Variants in IL1RAPL2 observed in about 807,000 individuals in gnomAD.
The protein encoded by IL1RAPL2 is interleukin 1 receptor accessory protein like 2.
Under a neutral mutation model 44.1 loss-of-function variants are expected in IL1RAPL2, and 3 were observed. The ratio of observed to expected loss-of-function variants is 0.07; its 90% CI spans 0.03 to 0.18. The LOEUF (loss-of-function observed/expected upper bound fraction) is 0.18, where lower values mean the gene tolerates loss of function less well. IL1RAPL2 is among the 10% of genes least tolerant of loss of function. IL1RAPL2 has a pLI of 1.00. For missense variants in IL1RAPL2, 391 were observed against 496.4 expected (o/e 0.79, Z 2.02); for synonymous variants, 181 against 178.8 (o/e 1.01, Z -0.10).
At chrX:105,591,084 TTTGAAAC>T (rs1235877982) in intron 6 of IL1RAPL2, among the ~76,000 whole-genome samples, 11 of 110,586 alleles carry the variant, frequency 9.9e-5, no homozygotes, top group African/African-American at 3.6e-4. Context: ...CTGATTCAAT[TTTGAAAC>T]TTGTTACTGA....
chrX:105,083,839 G>A (rs932144349), intron 2 of IL1RAPL2, among the ~76,000 whole-genome samples: 7 of 111,872 alleles, frequency 6.3e-5, no homozygotes, highest in South Asian at 3.7e-4. Flanking sequence ...AAAGAAGACC[G>A]GTACCAGCCA....
At chrX:105,471,199 T>C (rs1382092964) in intron 5 of IL1RAPL2, among the ~76,000 whole-genome samples, 1 of 111,594 alleles carries the variant, frequency 9.0e-6, no homozygotes, top group African/African-American at 3.3e-5. Context: ...TCCTAAAAAA[T>C]GGGTACTATT....
In IL1RAPL2 at chrX:105,447,108, A is replaced by ATATATAT. The variant is rs2035963967; in HGVS notation, c.698-37205_698-37204insTATATAT. 3.4e-3 allele frequency among the ~76,000 whole-genome samples: 69 copies of ATATATAT among 20,582 alleles called. 1 individual carries two copies. Among genetic ancestry groups the ATATATAT allele is most frequent in the Admixed American group, 0.011 (14 of 1,331 alleles). 17.9% of individuals were successfully genotyped at this position (20,582 alleles called of 115,157 possible). On this transcript the variant is annotated intron_variant, in intron 5 of 10. Transcript: ENST00000372582. ...ATATATATATATATATATATATATAAAAATATATATAAATATAAATATATA... is the reference window on the plus strand; with the variant it reads ...ATATATATATATATATATATATATAATATATATAAATATATATAAATATAAATATATA...
intron 4 of IL1RAPL2, among the ~76,000 whole-genome samples, chrX:105,258,448 CTGT>C (rs2034332232): frequency 9.0e-6 from 1 of 111,713 alleles, no homozygotes; most frequent in Admixed American, 9.5e-5. Flanking sequence ...CAAGAGTTTT[CTGT>C]ATTTCCTGAA....
intron 2 of IL1RAPL2, among the ~76,000 whole-genome samples, chrX:104,922,234 A>G (rs1263727139): frequency 2.7e-5 from 3 of 112,825 alleles, no homozygotes; most frequent in African/African-American, 6.4e-5. Flanking sequence ...TAAAAAGTCC[A>G]CTGCCATCAG....
intron 5 of IL1RAPL2, among the ~76,000 whole-genome samples, chrX:105,323,194 T>A: frequency 8.9e-6 from 1 of 112,656 alleles, no homozygotes; most frequent in South Asian, 3.7e-4. Context: ...TGAGATGAGG[T>A]GGCTCAAGTT....
At chrX:105,161,253 G>A (rs778385191) in intron 2 of IL1RAPL2, among the ~76,000 whole-genome samples, 14 of 102,624 alleles carry the variant, frequency 1.4e-4, no homozygotes, top group Non-Finnish European at 2.3e-4. Context: ...AATTGCGTGT[G>A]CTTAAAATAA....
At chrX:105,235,365 G>A (rs782608463) in intron 4 of IL1RAPL2, among the ~76,000 whole-genome samples, 1 of 111,874 alleles carries the variant, frequency 8.9e-6, no homozygotes, top group Admixed American at 9.5e-5. Flanking sequence ...ATGATGTGAT[G>A]GTAGATGACC....
intron 2 of IL1RAPL2, among the ~76,000 whole-genome samples, chrX:104,665,413 G>T (rs1184863161): frequency 9.1e-6 from 1 of 109,959 alleles, no homozygotes; most frequent in East Asian, 2.8e-4. Context: ...ATGTATCTTG[G>T]AAGTCAAGCA....
intron 6 of IL1RAPL2, among the ~76,000 whole-genome samples, chrX:105,487,962 A>G (rs1395998643): frequency 8.9e-6 from 1 of 112,503 alleles, no homozygotes; most frequent in Non-Finnish European, 1.9e-5. Context: ...TATCAAACAC[A>G]TTCAATTCTG....
chrX:105,724,180 G>A (rs965378322), intron 7 of IL1RAPL2, among the ~76,000 whole-genome samples: 11 of 110,254 alleles, frequency 1.0e-4, no homozygotes, highest in Admixed American at 9.7e-4. Flanking sequence ...TTATTTCTTA[G>A]TTTGCCACAG....
intron 6 of IL1RAPL2, among the ~76,000 whole-genome samples, chrX:105,515,074 CAG>C (rs988076609): frequency 8.9e-6 from 1 of 111,987 alleles, no homozygotes; most frequent in Non-Finnish European, 1.9e-5. Context: ...GCTCTGATCA[CAG>C]AGTTTCTTTT....
chrX:105,685,391 T>A (rs894112138), intron 6 of IL1RAPL2, among the ~76,000 whole-genome samples: 1 of 111,841 alleles, frequency 8.9e-6, no homozygotes, highest in Non-Finnish European at 1.9e-5. Context: ...AACCGTGGCA[T>A]GAGGATTTCA....
chrX:104,899,059 A>G (rs1003046189), intron 2 of IL1RAPL2, among the ~76,000 whole-genome samples: 1 of 112,227 alleles, frequency 8.9e-6, no homozygotes, highest in Admixed American at 9.5e-5. Context: ...TTGTCATTAC[A>G]CAGGAGGTTA....
intron 6 of IL1RAPL2, among the ~76,000 whole-genome samples, chrX:105,506,461 TA>T (rs1324359786): frequency 9.0e-6 from 1 of 111,115 alleles, no homozygotes; most frequent in Non-Finnish European, 1.9e-5. Context: ...CACAATATTT[TA>T]TTATGCACTC....
chrX:105,069,809 C>G (rs2032183730), intron 2 of IL1RAPL2, among the ~76,000 whole-genome samples: 1 of 111,948 alleles, frequency 8.9e-6, no homozygotes, highest in Non-Finnish European at 1.9e-5. Context: ...GATTGATTTT[C>G]TGTTTCTTGC....
intron 2 of IL1RAPL2, among the ~76,000 whole-genome samples, chrX:104,709,863 C>T (rs908516250): frequency 9.1e-6 from 1 of 110,082 alleles, no homozygotes; most frequent in Admixed American, 9.8e-5. Context: ...AAAGAAGATA[C>T]GTAAATTGCA....
At chrX:105,635,553 T>C (rs1010497507) in intron 6 of IL1RAPL2, among the ~76,000 whole-genome samples, 3 of 111,648 alleles carry the variant, frequency 2.7e-5, no homozygotes, top group Non-Finnish European at 5.7e-5. Context: ...CAGTTATTGA[T>C]CACTTTCTAT....
At chrX:105,023,840 T>G (rs1025131013) in intron 2 of IL1RAPL2, among the ~76,000 whole-genome samples, 22 of 111,636 alleles carry the variant, frequency 2.0e-4, no homozygotes, top group African/African-American at 6.8e-4. Flanking sequence ...TATTTTACTC[T>G]TATCGGGGCA....
Sources: allele counts gnomAD v4.1 joint callset (sites outside exome capture counted in the v4.1 genomes callset), GRCh38; gene constraint gnomAD v4.1.1; transcripts MANE v1.5; gene names NCBI Gene and HGNC (gene_info 2026-07-23, HGNC 2026-07-21).